CNTNAP5: variants seen among roughly 807,000 people sequenced by gnomAD.
CNTNAP5 encodes contactin-associated protein-like 5.
CNTNAP5 carries 72 observed loss-of-function variants against 150.2 expected under a neutral mutation model. The ratio of observed to expected loss-of-function variants is 0.48; its 90% CI spans 0.40 to 0.58. CNTNAP5 has a LOEUF of 0.58. Among genes scored for constraint, CNTNAP5 ranks in the 20% least tolerant of loss-of-function variants. The pLI is 0.00. For missense variants in CNTNAP5, 1,636 were observed against 1,626.2 expected (o/e 1.01, Z -0.10); for synonymous variants, 672 against 619.8 (o/e 1.08, Z -1.25).
chr2:124,518,686 C>T (rs549137644), intron 8 of CNTNAP5, among the ~76,000 whole-genome samples: 69 of 152,068 alleles, frequency 4.5e-4, no homozygotes, highest in Non-Finnish European at 7.9e-4. Flanking sequence ...ATCCATCAAC[C>T]ATAAAAACAT....
intron 14 of CNTNAP5, among the ~76,000 whole-genome samples, chr2:124,756,085 C>A (rs1573596020): frequency 6.6e-6 from 1 of 152,120 alleles, no homozygotes; most frequent in South Asian, 2.1e-4. Flanking sequence ...TATCAACCAT[C>A]TTTTTATTAT....
At chr2:124,225,819 G>T (rs1266424245) in intron 2 of CNTNAP5, among the ~76,000 whole-genome samples, 1 of 152,088 alleles carries the variant, frequency 6.6e-6, no homozygotes, top group Non-Finnish European at 1.5e-5. Context: ...TCCACTCTCT[G>T]CTTCTCTGAG....
chr2:124,637,102 A>G (rs952923926), intron 12 of CNTNAP5, among the ~76,000 whole-genome samples: 1 of 152,228 alleles, frequency 6.6e-6, no homozygotes, highest in African/African-American at 2.4e-5. Context: ...TAATTATCCA[A>G]TATATAGTCC....
chr2:124,403,720 A>C (rs946262223), intron 3 of CNTNAP5, among the ~76,000 whole-genome samples: 1 of 152,222 alleles, frequency 6.6e-6, no homozygotes, highest in Non-Finnish European at 1.5e-5. Context: ...GGCAAATCGT[A>C]TTAGTCCGGT....
chr2:124,901,175 G>A lies in CNTNAP5; in HGVS notation c.3437-1707G>A, dbSNP rs149457050. On this transcript the variant is annotated intron_variant, in intron 21 of 23. Coordinates refer to ENST00000682447, the MANE Select transcript of CNTNAP5 (RefSeq NM_001367498.1). Reference sequence around the variant, plus strand: ...TATTGGATTTTCATTATCATTTTTGGGAAAGTTCTCACAAAATCTCAGACC... The same window carrying A: ...TATTGGATTTTCATTATCATTTTTGAGAAAGTTCTCACAAAATCTCAGACC... 2.7e-3 allele frequency among the ~76,000 whole-genome samples: 412 copies of A among 151,452 alleles called. 7 individuals carry two copies. In the East Asian group the frequency reaches 0.028, roughly 10 times the overall value.
intron 1 of CNTNAP5, among the ~76,000 whole-genome samples, chr2:124,216,928 T>C (rs530155333): frequency 2.0e-5 from 3 of 152,276 alleles, no homozygotes; most frequent in South Asian, 4.1e-4. Context: ...CTGGGTCAAA[T>C]GGTATTTCTA....
chr2:124,170,820 G>A (rs1444430661), intron 1 of CNTNAP5, among the ~76,000 whole-genome samples: 1 of 152,040 alleles, frequency 6.6e-6, no homozygotes, highest in East Asian at 1.9e-4. Flanking sequence ...GGTAATTGGG[G>A]AAGAACAAAT....
intron 1 of CNTNAP5, among the ~76,000 whole-genome samples, chr2:124,202,893 A>C (rs1161726551): frequency 6.6e-6 from 1 of 152,160 alleles, no homozygotes. Flanking sequence ...GAGTGAGGAC[A>C]CAGCCAGACC....
chr2:124,422,377 T>G (rs1692126915), intron 4 of CNTNAP5, among the ~76,000 whole-genome samples: 1 of 152,212 alleles, frequency 6.6e-6, no homozygotes, highest in African/African-American at 2.4e-5. Flanking sequence ...ATTTAGCCTT[T>G]AAGATACCAG....
chr2:124,894,280 A>G (rs1341575797), intron 21 of CNTNAP5, among the ~76,000 whole-genome samples: 1 of 147,654 alleles, frequency 6.8e-6, no homozygotes, highest in African/African-American at 2.7e-5. Flanking sequence ...TTCACAACTT[A>G]TAATTCTTCA....
chr2:124,555,099 A>AT (rs148422889), intron 10 of CNTNAP5, among the ~76,000 whole-genome samples: 23 of 151,938 alleles, frequency 1.5e-4, no homozygotes, highest in East Asian at 3.9e-4. Context: ...ATGCTCTAGT[A>AT]TTTTTTTTAA....
chr2:124,292,975 G>A (rs997770854), intron 3 of CNTNAP5, among the ~76,000 whole-genome samples: 7 of 151,862 alleles, frequency 4.6e-5, no homozygotes, highest in Non-Finnish European at 7.4e-5. Flanking sequence ...GCAATAATGA[G>A]GTAGTAGAGA....
In CNTNAP5 at chr2:124,817,405, CA is replaced by C. The variant is rs959506006; in HGVS notation, c.3217+19094del. Among the ~76,000 whole-genome samples, 615 of 148,084 alleles carry C rather than the reference CA, an allele frequency of 4.2e-3. 3 individuals are homozygous for C. Among genetic ancestry groups the C allele is most frequent in the African/African-American group, 0.014 (568 of 40,392 alleles). On this transcript the variant is annotated intron_variant, in intron 19 of 23. Transcript: ENST00000682447. Reference sequence around the variant, plus strand: ...ATAAGTACAATTATTCCTTATACTTCAAAAAAAAAGTAAAACAACACAACAC... The same window carrying C: ...ATAAGTACAATTATTCCTTATACTTCAAAAAAAAGTAAAACAACACAACAC...
At chr2:124,301,565 T>C (rs190442731) in intron 3 of CNTNAP5, among the ~76,000 whole-genome samples, 3 of 152,334 alleles carry the variant, frequency 2.0e-5, no homozygotes, top group East Asian at 3.9e-4. Flanking sequence ...GTGACACTCA[T>C]GTACATTATA....
At chr2:124,621,184 G>C (rs777759870) in intron 12 of CNTNAP5, among the ~76,000 whole-genome samples, 1 of 152,132 alleles carries the variant, frequency 6.6e-6, no homozygotes, top group Non-Finnish European at 1.5e-5. Flanking sequence ...TTTCTTAGCT[G>C]TATACTGTTT....
chr2:124,875,123 C>A (rs1227930476), intron 21 of CNTNAP5, among the ~76,000 whole-genome samples: 1 of 151,960 alleles, frequency 6.6e-6, no homozygotes, highest in Admixed American at 6.6e-5. Flanking sequence ...CTCCCCAATC[C>A]CTCAGGTTTA....
intron 3 of CNTNAP5, among the ~76,000 whole-genome samples, chr2:124,295,250 G>T (rs748386798): frequency 3.2e-4 from 34 of 106,004 alleles, no homozygotes; most frequent in Admixed American, 4.8e-4. Context: ...GATCAATTTG[G>T]ATCGCTACTA....
At chr2:124,055,106 T>C (rs528451440) in intron 1 of CNTNAP5, among the ~76,000 whole-genome samples, 4 of 152,314 alleles carry the variant, frequency 2.6e-5, no homozygotes, top group African/African-American at 7.2e-5. Flanking sequence ...TATGTAAATA[T>C]ATCTGCAACA....
chr2:124,242,561 C>G (rs1055714673), intron 3 of CNTNAP5, 168 bp downstream of exon 3: 2 of 615,506 alleles, frequency 3.2e-6, no homozygotes, highest in Non-Finnish European at 2.7e-6. Context: ...CATGGTTCTA[C>G]TTCCTAGGAA....
Sources: gnomAD v4.1 joint callset for allele counts (sites outside exome capture counted in the v4.1 genomes callset) on GRCh38, gnomAD v4.1.1 for gene constraint, MANE v1.5 for transcripts, NCBI Gene and HGNC (gene_info 2026-07-23, HGNC 2026-07-21) for gene names.